Variants in CNGB1 observed in about 807,000 individuals in gnomAD.
CNGB1 encodes the protein cyclic nucleotide-gated channel beta-1.
A neutral mutation model predicts 151.7 loss-of-function variants in CNGB1; 126 were observed. The ratio of observed to expected loss-of-function variants is 0.83; its 90% CI spans 0.72 to 0.96. CNGB1 has a LOEUF of 0.96. Ranked by LOEUF, CNGB1 falls within the 40% of genes least tolerant of loss-of-function variation. The probability of loss-of-function intolerance (pLI) is 0.00; values close to 1 mark genes in which losing one functional copy is unlikely to be tolerated. For missense variants in CNGB1, 1,698 were observed against 1,627.0 expected (o/e 1.04, Z -0.75); for synonymous variants, 623 against 635.1 (o/e 0.98, Z 0.29).
chr16:57,889,014 G>C (rs1408793441), intron 31 of CNGB1, among the ~76,000 whole-genome samples: 10 of 152,112 alleles, frequency 6.6e-5, no homozygotes, highest in African/African-American at 2.4e-4. Context: ...GCCTCTGTGT[G>C]GTCCCCTTCC....
At chr16:57,917,620 G>T in intron 20 of CNGB1, 144 bp from the exon 21 acceptor site, 1 of 657,038 alleles carries the variant, frequency 1.5e-6, no homozygotes, top group Middle Eastern at 4.2e-4. Context: ...GTGTGTGTGT[G>T]TATATATACA....
chr16:57,969,410 A>T (rs1404288594), intron 1 of CNGB1, among the ~76,000 whole-genome samples: 1 of 152,208 alleles, frequency 6.6e-6, no homozygotes, highest in Non-Finnish European at 1.5e-5. Context: ...TGAGCTCAGG[A>T]GTTCGAGACC....
chr16:57,906,502 CCT>C (rs1960555775), intron 25 of CNGB1, among the ~76,000 whole-genome samples: 1 of 152,188 alleles, frequency 6.6e-6, no homozygotes, highest in Non-Finnish European at 1.5e-5. Context: ...AGGGGCTCTG[CCT>C]CTGATAGCTG....
At chr16:57,891,234 T>G (rs1960081622) in intron 31 of CNGB1, among the ~76,000 whole-genome samples, 1 of 152,198 alleles carries the variant, frequency 6.6e-6, no homozygotes, top group South Asian at 2.1e-4. Context: ...TTTGTAGTAA[T>G]TATGTCCTAT....
At chr16:57,959,745 G>C (rs1173628064) in intron 10 of CNGB1, 143 bp downstream of exon 10, 1 of 1,047,580 alleles carries the variant, frequency 9.5e-7, no homozygotes, top group Non-Finnish European at 1.3e-6. Context: ...GAAAGGGCAC[G>C]AAGCTGATGT....
chr16:57,892,446 G>T (rs1467566639), intron 31 of CNGB1, among the ~76,000 whole-genome samples: 4 of 152,088 alleles, frequency 2.6e-5, no homozygotes, highest in Non-Finnish European at 5.9e-5. Context: ...GGGTCCAGTG[G>T]GTCCCTTGAG....
intron 17 of CNGB1, among the ~76,000 whole-genome samples, chr16:57,930,443 A>T (rs1368323558): frequency 6.6e-6 from 1 of 151,404 alleles, no homozygotes; most frequent in African/African-American, 2.4e-5. Context: ...GCAGTGGACC[A>T]ATATCACACC....
intron 12 of CNGB1, among the ~76,000 whole-genome samples, chr16:57,954,288 G>A (rs1262919186): frequency 6.6e-6 from 1 of 152,148 alleles, no homozygotes; most frequent in African/African-American, 2.4e-5. Flanking sequence ...GGCCTGCCCA[G>A]CCAGGGTGAT....
In CNGB1 at chr16:57,910,571, G is replaced by A. The variant is rs144320108; in HGVS notation, c.2492+1182C>T. ...GTATTTTTATTACAGATGGGATTTCGCTGTGTCGGCCAGGCTGGTCTCGAA... is the reference window on the plus strand; with the variant it reads ...GTATTTTTATTACAGATGGGATTTCACTGTGTCGGCCAGGCTGGTCTCGAA... On this transcript the variant is annotated intron_variant, in intron 25 of 32. Transcript: ENST00000251102. Among the ~76,000 whole-genome samples, 430 of 151,674 alleles carry A rather than the reference G, an allele frequency of 2.8e-3. 3 individuals are homozygous for A. Among genetic ancestry groups the A allele is most frequent in the African/African-American group, 9.8e-3 (406 of 41,334 alleles).
chr16:57,958,159 G>A (rs900134932), intron 11 of CNGB1, among the ~76,000 whole-genome samples: 5 of 152,170 alleles, frequency 3.3e-5, no homozygotes, highest in African/African-American at 9.7e-5. Flanking sequence ...CTCCCAGGAG[G>A]CTCCACTTCT....
chr16:57,920,413 G>T lies in CNGB1; in HGVS notation c.1775C>A (p.Thr592Asn). ...GGGCTTGGGGCTCTCCTCATCAGAG[G>T]TGACGTCAGGGTCAATGAGTTTCTC... ...VKEKLIDPDV[T>N]SDEESPKPSP... Residue 592 changes from threonine (T) to asparagine (N), a missense_variant, in exon 19 of 33, where the codon ACC (threonine) becomes AAC (asparagine). By Grantham distance (65) the Thr-to-Asn change is moderately conservative. Coordinates refer to ENST00000251102, the MANE Select transcript of CNGB1 (RefSeq NM_001297.5). The T allele has an allele frequency of 1.2e-6, 2 of 1,614,212 alleles. No individual in the cohort carries two copies. Among genetic ancestry groups the T allele is most frequent in the Non-Finnish European group, 1.7e-6 (2 of 1,180,036 alleles).
intron 16 of CNGB1, among the ~76,000 whole-genome samples, chr16:57,934,043 T>C (rs1961438192): frequency 2.0e-5 from 3 of 152,142 alleles, no homozygotes; most frequent in Admixed American, 2.0e-4. Context: ...TTTTTTCAAA[T>C]GGCCTTTATA....
intron 6 of CNGB1, 44 bp downstream of exon 6, chr16:57,962,798 C>T (rs375674036): frequency 3.9e-4 from 629 of 1,610,824 alleles, no homozygotes; most frequent in Non-Finnish European, 5.0e-4. Context: ...CCCCTCAGCC[C>T]CTCAGCCCTG....
rs1343288106 is a variant in CNGB1, at chr16:57,936,787, A to AAAAC, written c.1372+2639_1372+2642dup. Among the ~76,000 whole-genome samples the AAAAC allele has an allele frequency of 2.5e-3, 331 of 132,470 alleles. 1 individual carries two copies. The highest frequency in any genetic ancestry group is 0.01 in the African/African-American group (282 of 27,124). The allele number at this position is 132,470 out of a possible 152,430, so 86.9% of individuals were successfully genotyped here. A position where few individuals can be genotyped will look rare whatever the true frequency, so the allele number is the denominator to read the frequency against. On this transcript the variant is annotated intron_variant, in intron 16 of 32. Transcript: ENST00000251102. ...GTGACAGAGAGAGACTCTGTCTCAA[A>AAAAC]AAACAAACAAACAAAAAAAAAACAA...
At chr16:57,899,589 G>A (rs992526903) in intron 29 of CNGB1, among the ~76,000 whole-genome samples, 153 of 152,270 alleles carry the variant, frequency 1.0e-3, no homozygotes, top group Non-Finnish European at 5.1e-4. Flanking sequence ...GCAGTGAGCC[G>A]AGATAGTGCC....
At chr16:57,939,380 A>AG (rs766379338) in intron 16 of CNGB1, 50 bp downstream of exon 16, 1 of 1,612,546 alleles carries the variant, frequency 6.2e-7, no homozygotes, top group Admixed American at 1.7e-5. Flanking sequence ...CCAGCCTAAA[A>AG]GGACCTCAGA....
chr16:57,950,174 G>A (rs944716278), intron 13 of CNGB1, among the ~76,000 whole-genome samples: 1 of 152,134 alleles, frequency 6.6e-6, no homozygotes, highest in Non-Finnish European at 1.5e-5. Flanking sequence ...AGGGAGATGC[G>A]AGCTTGCATG....
At chr16:57,967,419 T>A in intron 1 of CNGB1, 125 bp from the exon 2 acceptor site, 2 of 994,254 alleles carry the variant, frequency 2.0e-6, no homozygotes, top group Non-Finnish European at 3.0e-6. Context: ...TTCGACTGGG[T>A]GCGGTGGCTC....
chr16:57,924,382 C>T (rs1961128183), intron 17 of CNGB1, among the ~76,000 whole-genome samples: 1 of 151,992 alleles, frequency 6.6e-6, no homozygotes, highest in Non-Finnish European at 1.5e-5. Context: ...GATGTAGAAA[C>T]ACAAAGATTG....
Sources: gnomAD v4.1 joint callset for allele counts (sites outside exome capture counted in the v4.1 genomes callset) on GRCh38, gnomAD v4.1.1 for gene constraint, MANE v1.5 for transcripts, NCBI Gene and HGNC (gene_info 2026-07-23, HGNC 2026-07-21) for gene names.